The following DPP6 variants were observed in gnomAD, a reference collection of about 807,000 sequenced individuals.
DPP6 encodes the protein dipeptidyl peptidase like 6.
Under a neutral mutation model 122.6 loss-of-function variants are expected in DPP6, and 69 were observed. That is an observed-to-expected ratio of 0.56 (90% CI 0.46 to 0.69). The LOEUF (loss-of-function observed/expected upper bound fraction) is 0.69, where lower values mean the gene tolerates loss of function less well. Among genes scored for constraint, DPP6 ranks in the 30% least tolerant of loss-of-function variants. The pLI is 0.00. For synonymous variants in DPP6, 418 were observed against 433.1 expected (o/e 0.97, Z 0.43); for missense variants, 928 against 1,116.9 (o/e 0.83, Z 2.41).
In DPP6 at chr7:154,245,499, G is replaced by A. The variant is rs184626450; in HGVS notation, c.243+192436G>A. ...AAAATACAAAAATTAGCCAGGCATG[G>A]TGGCGGGTGGCCTATAATCCCAGCT... On this transcript the variant is annotated intron_variant, in intron 1 of 25. Transcript: ENST00000377770. Among the ~76,000 whole-genome samples, 478 of 151,726 alleles carry A rather than the reference G, an allele frequency of 3.2e-3. 2 individuals carry two copies. Among genetic ancestry groups the A allele is most frequent in the Non-Finnish European group, 5.5e-3 (375 of 67,924 alleles).
intron 1 of DPP6, among the ~76,000 whole-genome samples, chr7:154,274,254 G>A (rs753216851): frequency 3.3e-5 from 5 of 152,162 alleles, no homozygotes; most frequent in African/African-American, 7.2e-5. Context: ...AATGGAAACC[G>A]TATTGTCAGG....
the DPP6 span, among the ~76,000 whole-genome samples, chr7:153,865,987 A>T: frequency 6.6e-6 from 1 of 152,094 alleles, no homozygotes; most frequent in Admixed American, 6.5e-5. Flanking sequence ...TGAACCCATC[A>T]TTTTTTATGG....
the DPP6 span, among the ~76,000 whole-genome samples, chr7:153,805,311 A>G: frequency 6.6e-6 from 1 of 152,140 alleles, no homozygotes; most frequent in Non-Finnish European, 1.5e-5. Flanking sequence ...TGACTTTGTT[A>G]TTGTTAGTCC....
chr7:153,873,507 T>A, the DPP6 span, among the ~76,000 whole-genome samples: 2 of 152,170 alleles, frequency 1.3e-5, no homozygotes, highest in African/African-American at 4.8e-5. Flanking sequence ...TTAAAAAAAA[T>A]TCTAACCGTT....
intron 5 of DPP6, among the ~76,000 whole-genome samples, chr7:154,632,991 T>A (rs1835498114): frequency 1.3e-5 from 2 of 152,146 alleles, no homozygotes; most frequent in African/African-American, 4.8e-5. Context: ...AAAAAATAAT[T>A]TGCTGAAACT....
chr7:154,657,898 A>C (rs1456066079), intron 6 of DPP6, among the ~76,000 whole-genome samples: 1 of 152,236 alleles, frequency 6.6e-6, no homozygotes, highest in Non-Finnish European at 1.5e-5. Flanking sequence ...ACTTGGAGCC[A>C]AAAGCGCACA....
In DPP6 at chr7:154,824,055, A is replaced by T. The variant is rs575891542; in HGVS notation, c.1666+16943A>T. ...TTGTCAGTCCCTCAAGACAAAGTCA[A>T]TTCCATTCTTCTCCTTAGTGGCTAT... On this transcript the variant is annotated intron_variant, in intron 16 of 25. Coordinates refer to ENST00000377770, the MANE Select transcript of DPP6 (RefSeq NM_130797.4). Among the ~76,000 whole-genome samples the T allele has an allele frequency of 2.6e-5, 4 of 152,344 alleles. No homozygotes were observed. The South Asian group carries it at 8.3e-4, about 32-fold the overall frequency.
At chr7:154,075,021 G>C (rs1803455957) in intron 1 of DPP6, among the ~76,000 whole-genome samples, 1 of 150,656 alleles carries the variant, frequency 6.6e-6, no homozygotes, top group African/African-American at 2.4e-5. Context: ...TTAAAAAGAA[G>C]GTATACAAAT....
chr7:154,292,978 A>G (rs1805307630), intron 1 of DPP6, among the ~76,000 whole-genome samples: 2 of 152,222 alleles, frequency 1.3e-5, no homozygotes, highest in African/African-American at 2.4e-5. Context: ...AAATTATCTT[A>G]GAAAGGTAAT....
At chr7:153,825,955 CAAAAG>C in the DPP6 span, among the ~76,000 whole-genome samples, 38 of 152,210 alleles carry the variant, frequency 2.5e-4, no homozygotes, top group African/African-American at 8.2e-4. Flanking sequence ...TCTTCATTTA[CAAAAG>C]AAAAATAAAC....
chr7:153,782,929 A>G, the DPP6 span, among the ~76,000 whole-genome samples: 12 of 152,198 alleles, frequency 7.9e-5, no homozygotes, highest in African/African-American at 2.9e-4. Context: ...TTTTAACGCC[A>G]TGTGCGATAC....
chr7:154,209,571 C>T (rs1007215613), intron 1 of DPP6, among the ~76,000 whole-genome samples: 9 of 151,548 alleles, frequency 5.9e-5, no homozygotes, highest in Admixed American at 5.9e-4. Context: ...AACCTTTCTT[C>T]AGCTGCGACT....
intron 13 of DPP6, among the ~76,000 whole-genome samples, chr7:154,803,495 C>A (rs983329622): frequency 1.3e-5 from 2 of 152,152 alleles, no homozygotes; most frequent in Non-Finnish European, 2.9e-5. Flanking sequence ...ACTGGTCCCC[C>A]TTCAGTAATG....
intron 17 of DPP6, among the ~76,000 whole-genome samples, chr7:154,859,343 GC>G: frequency 6.6e-6 from 1 of 152,370 alleles, no homozygotes; most frequent in East Asian, 1.9e-4. Flanking sequence ...GCCTCGGGGA[GC>G]CGGCTCCTGA....
intron 1 of DPP6, among the ~76,000 whole-genome samples, chr7:154,238,149 G>A (rs186854375): frequency 2.2e-4 from 34 of 152,248 alleles, no homozygotes; most frequent in Admixed American, 4.6e-4. Flanking sequence ...GGAAAGCTCC[G>A]AATTGCAATA....
chr7:154,643,946 C>T (rs10262749), intron 6 of DPP6, among the ~76,000 whole-genome samples: 22,431 of 152,012 alleles, frequency 0.15, 1,916 homozygotes, highest in African/African-American at 0.24. Flanking sequence ...ATGAACTTGA[C>T]CTTTGCATGA....
chr7:154,550,806 A>C (rs2130371307), intron 4 of DPP6, among the ~76,000 whole-genome samples: 1 of 146,584 alleles, frequency 6.8e-6, no homozygotes, highest in Non-Finnish European at 1.5e-5. Flanking sequence ...GCTGGAGTGC[A>C]ATGGCGCGAT....
chr7:154,339,894 G>A, intron 1 of DPP6, among the ~76,000 whole-genome samples: 1 of 152,076 alleles, frequency 6.6e-6, no homozygotes, highest in Non-Finnish European at 1.5e-5. Flanking sequence ...CCAACATGGA[G>A]AAACCCCGTC....
intron 3 of DPP6, among the ~76,000 whole-genome samples, chr7:154,532,850 G>A (rs1327580917): frequency 6.6e-6 from 1 of 152,090 alleles, no homozygotes; most frequent in African/African-American, 2.4e-5. Flanking sequence ...GGAGGAAATA[G>A]CAGAAACAAA....
Sources: allele counts gnomAD v4.1 joint callset (sites outside exome capture counted in the v4.1 genomes callset), GRCh38; gene constraint gnomAD v4.1.1; transcripts MANE v1.5; gene names NCBI Gene and HGNC (gene_info 2026-07-23, HGNC 2026-07-21).